ROBO2: variants seen among roughly 807,000 people sequenced by gnomAD.
ROBO2 encodes the protein roundabout guidance receptor 2.
ROBO2 carries 53 observed loss-of-function variants against 160.8 expected under a neutral mutation model. The ratio of observed to expected loss-of-function variants is 0.33; its 90% CI spans 0.26 to 0.41. The LOEUF (loss-of-function observed/expected upper bound fraction) is 0.41, where lower values mean the gene tolerates loss of function less well. ROBO2 is among the 10% of genes least tolerant of loss of function. ROBO2 has a pLI of 1.00. For missense variants in ROBO2, 1,577 were observed against 1,722.4 expected (o/e 0.92, Z 1.49); for synonymous variants, 664 against 611.7 (o/e 1.09, Z -1.26).
At chr3:76,343,338 T>G (rs1392207735) in intron 2 of ROBO2, among the ~76,000 whole-genome samples, 1 of 152,080 alleles carries the variant, frequency 6.6e-6, no homozygotes, top group East Asian at 1.9e-4. Context: ...TGTCTTCATC[T>G]GTAGCATGAT....
At chr3:77,098,892 C>G (rs2071491578) in intron 2 of ROBO2, among the ~76,000 whole-genome samples, 1 of 151,058 alleles carries the variant, frequency 6.6e-6, no homozygotes, top group African/African-American at 2.4e-5. Context: ...ACAATTATGC[C>G]TTAAAATTTT....
intron 2 of ROBO2, among the ~76,000 whole-genome samples, chr3:77,315,017 T>A (rs138321776): frequency 1.7e-4 from 26 of 152,280 alleles, no homozygotes; most frequent in African/African-American, 6.0e-4. Context: ...ATATTCTGAA[T>A]AATAATAAAA....
intron 2 of ROBO2, among the ~76,000 whole-genome samples, chr3:76,542,308 A>G (rs1300920832): frequency 6.6e-6 from 1 of 152,096 alleles, no homozygotes; most frequent in Non-Finnish European, 1.5e-5. Flanking sequence ...ATTTCTATTA[A>G]TATATGGGAA....
chr3:76,749,382 T>A (rs527454968), intron 2 of ROBO2, among the ~76,000 whole-genome samples: 1 of 152,022 alleles, frequency 6.6e-6, no homozygotes, highest in African/African-American at 2.4e-5. Context: ...GTAGTTTGCA[T>A]CCTGCTATGG....
At chr3:76,256,959 C>G (rs959662059) in intron 2 of ROBO2, among the ~76,000 whole-genome samples, 1 of 151,944 alleles carries the variant, frequency 6.6e-6, no homozygotes, top group Non-Finnish European at 1.5e-5. Context: ...ACACATAAAA[C>G]AAGCAGATAT....
chr3:75,952,550 G>A (rs1257110624), intron 2 of ROBO2, among the ~76,000 whole-genome samples: 1 of 151,862 alleles, frequency 6.6e-6, no homozygotes, highest in South Asian at 2.1e-4. Flanking sequence ...GTCATCCTCA[G>A]CCTCTACCCC....
intron 2 of ROBO2, among the ~76,000 whole-genome samples, chr3:76,521,985 A>C (rs114519857): frequency 0.015 from 2,337 of 152,306 alleles, 59 homozygotes; most frequent in African/African-American, 0.053. Flanking sequence ...AAATCAGAAT[A>C]AATAAATCAA....
chr3:77,564,993 T>A, exon 12 of ROBO2: 1 of 1,613,616 alleles, frequency 6.2e-7, no homozygotes, highest in Non-Finnish European at 8.5e-7. Context: ...TGGCAAACCA[T>A]GTAAAGACCA....
intron 5 of ROBO2, among the ~76,000 whole-genome samples, chr3:77,505,861 T>C (rs544413190): frequency 6.6e-6 from 1 of 152,310 alleles, no homozygotes; most frequent in African/African-American, 2.4e-5. Context: ...CTTTCTTGAC[T>C]ACTATATACA....
At position 76,784,913 on chromosome 3, in the gene ROBO2, G is replaced by C. The variant is rs553400700; in HGVS notation, c.110-313101G>C. 4.8e-4 allele frequency among the ~76,000 whole-genome samples: 73 copies of C among 151,314 alleles called. 5 individuals carry two copies. The South Asian group carries it at 0.015, about 31-fold the overall frequency. ...CTTTTTTTCTCACTTTCTTCTGTGT[G>C]AGAAATCTTTGTGACACTGCTTATC... On this transcript the variant is annotated intron_variant, in intron 2 of 26. Transcript: ENST00000487694.
At chr3:77,022,460 T>C (rs1332578382) in intron 2 of ROBO2, among the ~76,000 whole-genome samples, 4 of 152,072 alleles carry the variant, frequency 2.6e-5, no homozygotes, top group Non-Finnish European at 5.9e-5. Context: ...CAACAGAAAA[T>C]ATATTAAGAC....
At chr3:76,393,196 T>C (rs761249528) in intron 2 of ROBO2, among the ~76,000 whole-genome samples, 1 of 152,134 alleles carries the variant, frequency 6.6e-6, no homozygotes, top group Non-Finnish European at 1.5e-5. Context: ...CCAAGACCTA[T>C]TGAATAAGAA....
intron 2 of ROBO2, among the ~76,000 whole-genome samples, chr3:76,606,786 A>G (rs904170656): frequency 2.0e-5 from 3 of 152,142 alleles, no homozygotes; most frequent in African/African-American, 7.2e-5. Context: ...TGATTTCATA[A>G]TAATGTCTCC....
At chr3:76,033,932 G>A (rs1356387310) in intron 2 of ROBO2, among the ~76,000 whole-genome samples, 1 of 152,130 alleles carries the variant, frequency 6.6e-6, no homozygotes, top group Non-Finnish European at 1.5e-5. Flanking sequence ...ATTCCGAAAG[G>A]GAAAGTAGAA....
chr3:76,289,103 T>G (rs1708675352), intron 2 of ROBO2, among the ~76,000 whole-genome samples: 1 of 152,192 alleles, frequency 6.6e-6, no homozygotes, highest in Non-Finnish European at 1.5e-5. Context: ...TTAATTTACA[T>G]TCCCACCAGT....
At chr3:76,034,821 A>G (rs1576574626) in intron 2 of ROBO2, among the ~76,000 whole-genome samples, 1 of 151,948 alleles carries the variant, frequency 6.6e-6, no homozygotes, top group Non-Finnish European at 1.5e-5. Context: ...ATCATGCCCC[A>G]CCTCATGGCC....
intron 2 of ROBO2, among the ~76,000 whole-genome samples, chr3:76,383,743 A>G (rs1322942205): frequency 6.6e-6 from 1 of 152,222 alleles, no homozygotes; most frequent in Non-Finnish European, 1.5e-5. Flanking sequence ...AAAACAAAAA[A>G]CAAAGCATAC....
chr3:76,628,426 T>C (rs2089809536), intron 2 of ROBO2, among the ~76,000 whole-genome samples: 1 of 129,660 alleles, frequency 7.7e-6, no homozygotes, highest in Non-Finnish European at 1.6e-5. Context: ...TATCCACTAA[T>C]TTTTAGGTTT....
chr3:76,966,787 T>C (rs1464197595), intron 2 of ROBO2, among the ~76,000 whole-genome samples: 1 of 152,212 alleles, frequency 6.6e-6, no homozygotes, highest in Non-Finnish European at 1.5e-5. Flanking sequence ...TAGGATAAAA[T>C]GCCCGGTATA....
Sources: allele counts gnomAD v4.1 joint callset (sites outside exome capture counted in the v4.1 genomes callset), GRCh38; gene constraint gnomAD v4.1.1; transcripts MANE v1.5; gene names NCBI Gene and HGNC (gene_info 2026-07-23, HGNC 2026-07-21).